SLC20A2: variants seen among roughly 807,000 people sequenced by gnomAD.
The protein encoded by SLC20A2 is sodium-dependent phosphate transporter 2.
A neutral mutation model predicts 61.0 loss-of-function variants in SLC20A2; 30 were observed. The observed-to-expected ratio is 0.49, with a 90% CI of 0.37 to 0.67. The LOEUF (loss-of-function observed/expected upper bound fraction) is 0.67, where lower values mean the gene tolerates loss of function less well. Among genes scored for constraint, SLC20A2 ranks in the 30% least tolerant of loss-of-function variants. The probability of loss-of-function intolerance (pLI) is 0.00; values close to 1 mark genes in which losing one functional copy is unlikely to be tolerated. For synonymous variants in SLC20A2, 351 were observed against 353.3 expected (o/e 0.99, Z 0.07); for missense variants, 626 against 866.4 (o/e 0.72, Z 3.48).
rs144586906 is a variant in SLC20A2, at chr8:42,420,577, C to T, written c.1795-2610G>A. ...CTAGACTGACAGTCAGCTATTCAACCTTTCAAACACTTACTGGTTAAATTT... is the reference window on the plus strand; with the variant it reads ...CTAGACTGACAGTCAGCTATTCAACTTTTCAAACACTTACTGGTTAAATTT... On this transcript the variant is annotated intron_variant, in intron 10 of 10. Coordinates refer to ENST00000520262, the MANE Select transcript of SLC20A2 (RefSeq NM_001257180.2). Among the ~76,000 whole-genome samples, 305 of 152,250 alleles carry T rather than the reference C, an allele frequency of 2.0e-3. 2 individuals carry two copies. The highest frequency in any genetic ancestry group is 6.8e-3 in the African/African-American group (281 of 41,540).
upstream of SLC20A2, among the ~76,000 whole-genome samples, chr8:42,501,858 A>C (rs901520415): frequency 2.0e-5 from 3 of 152,262 alleles, no homozygotes; most frequent in African/African-American, 7.2e-5. Context: ...TGTCCTCTGT[A>C]GGTGACTGAC....
chr8:42,508,057 G>A (rs905210450), intron 1 of SLC20A2, among the ~76,000 whole-genome samples: 2 of 152,166 alleles, frequency 1.3e-5, no homozygotes, highest in South Asian at 2.1e-4. Context: ...CAGCTACTCA[G>A]GAGACTGAGG....
intron 1 of SLC20A2, among the ~76,000 whole-genome samples, chr8:42,510,354 G>C (rs117483503): frequency 0.022 from 3,317 of 152,160 alleles, 115 homozygotes; most frequent in South Asian, 0.088. Flanking sequence ...ACAAACAAAG[G>C]CTTATTGTCA....
intron 9 of SLC20A2, 59 bp downstream of exon 9, chr8:42,430,005 G>A (rs1028069376): frequency 3.4e-6 from 5 of 1,461,616 alleles, no homozygotes; most frequent in Non-Finnish European, 4.6e-6. Context: ...CAGCCGGGAA[G>A]CTCTACCCAG....
At chr8:42,533,328 C>T (rs1812459597) in intron 1 of SLC20A2, among the ~76,000 whole-genome samples, 1 of 152,056 alleles carries the variant, frequency 6.6e-6, no homozygotes, top group African/African-American at 2.4e-5. Context: ...AAAAATGTGC[C>T]TATTGGGCCA....
intron 2 of SLC20A2, among the ~76,000 whole-genome samples, chr8:42,470,634 G>A (rs1807559674): frequency 6.6e-6 from 1 of 152,060 alleles, no homozygotes; most frequent in Non-Finnish European, 1.5e-5. Context: ...ACATGAGATT[G>A]GGCCATTGTG....
At chr8:42,509,521 C>T (rs901324541) in intron 1 of SLC20A2, among the ~76,000 whole-genome samples, 1 of 151,948 alleles carries the variant, frequency 6.6e-6, no homozygotes, top group African/African-American at 2.4e-5. Flanking sequence ...TTGCTTGAAC[C>T]CAGGAATTTG....
chr8:42,539,570 G>A (rs1329447937), intron 1 of SLC20A2, among the ~76,000 whole-genome samples: 1 of 152,172 alleles, frequency 6.6e-6, no homozygotes. Context: ...TAAATGCCCA[G>A]TAAAACTGTG....
intron 2 of SLC20A2, among the ~76,000 whole-genome samples, chr8:42,468,277 G>C (rs1329754224): frequency 5.3e-5 from 8 of 152,204 alleles, no homozygotes; most frequent in Admixed American, 5.2e-4. Context: ...CAGACCATAA[G>C]ATTTGTCCTT....
intron 1 of SLC20A2, among the ~76,000 whole-genome samples, chr8:42,482,102 G>A (rs138841013): frequency 2.0e-5 from 3 of 152,154 alleles, no homozygotes; most frequent in Non-Finnish European, 4.4e-5. Flanking sequence ...GATTTGGCCC[G>A]AAGAAAAGAT....
chr8:42,451,405 AGAG>A (rs1805633991), intron 5 of SLC20A2, among the ~76,000 whole-genome samples: 1 of 131,204 alleles, frequency 7.6e-6, no homozygotes, highest in Non-Finnish European at 1.7e-5. Context: ...AGGAAGAGAT[AGAG>A]GAGAAGGAGT....
intron 5 of SLC20A2, among the ~76,000 whole-genome samples, chr8:42,453,961 C>A (rs879805765): frequency 1.3e-5 from 2 of 152,100 alleles, no homozygotes; most frequent in Admixed American, 1.3e-4. Context: ...CAGATACTGG[C>A]GGCCAACTTA....
intron 6 of SLC20A2, among the ~76,000 whole-genome samples, chr8:42,442,637 A>G (rs1279006395): frequency 6.6e-6 from 1 of 152,136 alleles, no homozygotes. Flanking sequence ...GAATCCTCCA[A>G]CTTTTTTCTT....
Position 42,438,071 on chromosome 8 carries a change from A to AC in SLC20A2, c.935-495_935-494insG, listed in dbSNP as rs1563455789. 2.1e-4 allele frequency among the ~76,000 whole-genome samples: 31 copies of AC among 147,554 alleles called. 2 individuals carry two copies. The highest frequency in any genetic ancestry group is 3.5e-3 in the Middle Eastern group (1 of 288). ...CCACTAAAAAAAAAAACCAAAAAAAAAAAAAAAAAAAAAAAAAACATGGAA... is the reference window on the plus strand; with the variant it reads ...CCACTAAAAAAAAAAACCAAAAAAAACAAAAAAAAAAAAAAAAAACATGGAA... On this transcript the variant is annotated intron_variant, in intron 7 of 10. Transcript: ENST00000520262.
intron 1 of SLC20A2, among the ~76,000 whole-genome samples, chr8:42,497,725 T>G (rs992216955): frequency 5.3e-5 from 8 of 151,912 alleles, no homozygotes; most frequent in African/African-American, 1.9e-4. Context: ...TTTTTTTTTT[T>G]TTTTTGAGGT....
intron 1 of SLC20A2, among the ~76,000 whole-genome samples, chr8:42,497,941 A>G (rs1810052084): frequency 6.6e-6 from 1 of 152,092 alleles, no homozygotes; most frequent in African/African-American, 2.4e-5. Flanking sequence ...AGCTGCAATA[A>G]TGCTCAGTAG....
At chr8:42,433,191 T>C (rs1324354373) in intron 8 of SLC20A2, among the ~76,000 whole-genome samples, 1 of 151,998 alleles carries the variant, frequency 6.6e-6, no homozygotes, top group Non-Finnish European at 1.5e-5. Context: ...TTGTTCATCT[T>C]GCAAATGTGA....
chr8:42,490,935 C>T (rs1020296338), intron 1 of SLC20A2, among the ~76,000 whole-genome samples: 4 of 152,158 alleles, frequency 2.6e-5, no homozygotes, highest in African/African-American at 9.7e-5. Flanking sequence ...CTCCTAACAC[C>T]TACGTTAACT....
In SLC20A2 at chr8:42,451,302, G is replaced by A. The variant is rs189003757; in HGVS notation, c.614-6540C>T. Among the ~76,000 whole-genome samples, 434 of 151,482 alleles carry A rather than the reference G, an allele frequency of 2.9e-3. 3 individuals are homozygous for A. Among genetic ancestry groups the A allele is most frequent in the Non-Finnish European group, 5.4e-3 (366 of 67,826 alleles). On this transcript the variant is annotated intron_variant, in intron 5 of 10. Transcript: ENST00000520262. ...AGGGAAGAGAAGAGATGGAGGAGGA[G>A]GAAGAGATAAGGAGGAGGAGGAAGA...
Sources: gnomAD v4.1 joint callset for allele counts (sites outside exome capture counted in the v4.1 genomes callset) on GRCh38, gnomAD v4.1.1 for gene constraint, MANE v1.5 for transcripts, NCBI Gene and HGNC (gene_info 2026-07-23, HGNC 2026-07-21) for gene names.